The following RNF6 variants were observed in gnomAD, a reference collection of about 807,000 sequenced individuals.
RNF6 encodes the protein ring finger protein 6, also known as E3 ubiquitin-protein ligase RNF6.
RNF6 carries 21 observed loss-of-function variants against 50.1 expected under a neutral mutation model. The observed-to-expected ratio is 0.42, with a 90% CI of 0.30 to 0.60. The LOEUF is 0.60. RNF6 is among the 20% of genes least tolerant of loss of function. The pLI, the probability that RNF6 is intolerant of heterozygous loss-of-function variation, is 0.20. For missense variants in RNF6, 698 were observed against 838.2 expected (o/e 0.83, Z 2.07); for synonymous variants, 255 against 291.8 (o/e 0.87, Z 1.29).
At chr13:26,183,926 A>AT (rs1263349265) in intron 5 of RNF6, among the ~76,000 whole-genome samples, 2,781 of 140,662 alleles carry the variant, frequency 0.02, 118 homozygotes, top group African/African-American at 0.069. Context: ...TACAATATTT[A>AT]TTTTTTTATA....
intron 5 of RNF6, among the ~76,000 whole-genome samples, chr13:26,207,477 GT>G (rs34921709): frequency 0.2 from 29,891 of 152,056 alleles, 3,397 homozygotes; most frequent in East Asian, 0.4. Flanking sequence ...AAGAATCTAT[GT>G]GAGAAATAGT....
intron 5 of RNF6, among the ~76,000 whole-genome samples, chr13:26,145,703 A>G (rs748500553): frequency 4.6e-5 from 7 of 152,230 alleles, no homozygotes; most frequent in Non-Finnish European, 8.8e-5. Context: ...ATCTAGTCTC[A>G]GGTATGTCTC....
At chr13:26,163,154 T>C (rs1593158727) in intron 5 of RNF6, among the ~76,000 whole-genome samples, 2 of 152,116 alleles carry the variant, frequency 1.3e-5, no homozygotes, top group South Asian at 2.1e-4. Context: ...CTACTAAAAA[T>C]ACAAAAAATT....
At chr13:26,165,826 G>C (rs1054790351) in intron 5 of RNF6, among the ~76,000 whole-genome samples, 2 of 152,220 alleles carry the variant, frequency 1.3e-5, no homozygotes, top group Middle Eastern at 3.2e-3. Flanking sequence ...ACTTGCTTTT[G>C]ATTTTACTGG....
At chr13:26,149,285 T>G (rs1223216388) in intron 5 of RNF6, 2 of 152,096 alleles carry the variant, frequency 1.3e-5, no homozygotes, top group Non-Finnish European at 2.9e-5. Context: ...GTACTAGGTT[T>G]AAGAAACAAT....
chr13:26,200,089 T>C (rs1400287555), intron 5 of RNF6, among the ~76,000 whole-genome samples: 1 of 152,214 alleles, frequency 6.6e-6, no homozygotes, highest in African/African-American at 2.4e-5. Context: ...CATGCCTTAA[T>C]CTTGCACTTC....
At chr13:26,195,245 AAC>A (rs1231184604) in intron 5 of RNF6, among the ~76,000 whole-genome samples, 4 of 126,006 alleles carry the variant, frequency 3.2e-5, no homozygotes, top group African/African-American at 1.2e-4. Flanking sequence ...CAAAAATACT[AAC>A]ACAAATCAAG....
intron 5 of RNF6, among the ~76,000 whole-genome samples, chr13:26,156,950 T>G (rs1190038241): frequency 6.6e-6 from 1 of 152,108 alleles, no homozygotes; most frequent in Non-Finnish European, 1.5e-5. Flanking sequence ...AAAAAATAAA[T>G]TAAGCTGGGT....
chr13:26,149,309 C>T (rs1871429378), intron 5 of RNF6: 1 of 152,158 alleles, frequency 6.6e-6, no homozygotes, highest in Non-Finnish European at 1.5e-5. Flanking sequence ...GGCAGACGGC[C>T]AGGCATGGTG....
intron 5 of RNF6, chr13:26,154,205 T>C (rs1039613116): frequency 3.9e-5 from 6 of 152,244 alleles, no homozygotes; most frequent in Non-Finnish European, 8.8e-5. Context: ...CAATTTTCCA[T>C]TGATATTCGG....
intron 5 of RNF6, among the ~76,000 whole-genome samples, chr13:26,190,231 A>T (rs1329199635): frequency 6.6e-6 from 1 of 152,238 alleles, no homozygotes; most frequent in Non-Finnish European, 1.5e-5. Context: ...AGGTTCTCTG[A>T]GGACACGTGA....
intron 5 of RNF6, among the ~76,000 whole-genome samples, chr13:26,137,974 A>G (rs751752236): frequency 6.6e-6 from 1 of 152,092 alleles, no homozygotes; most frequent in African/African-American, 2.4e-5. Context: ...TGTGATGGAA[A>G]GCATTAATCT....
upstream of RNF6, chr13:26,222,333 G>A (rs1870606714): frequency 1.3e-5 from 2 of 152,284 alleles, no homozygotes; most frequent in Non-Finnish European, 2.9e-5. Context: ...CGTCCGTCGG[G>A]AGCTAGGGTG....
intron 5 of RNF6, among the ~76,000 whole-genome samples, chr13:26,149,870 G>GTATATATA (rs749089662): frequency 1.4e-5 from 1 of 73,966 alleles, no homozygotes; most frequent in Non-Finnish European, 2.8e-5. Context: ...ATGTGTGTGT[G>GTATATATA]TATATATATA....
chr13:26,132,289 G>GA (rs1366498227), exon 6 of RNF6: 9 of 335,246 alleles, frequency 2.7e-5, no homozygotes, highest in Non-Finnish European at 4.1e-5. Context: ...TTCCATAAAA[G>GA]AAAAAAAACT....
chr13:26,193,603 C>T (rs1868545699), intron 5 of RNF6, among the ~76,000 whole-genome samples: 1 of 152,158 alleles, frequency 6.6e-6, no homozygotes, highest in Admixed American at 6.5e-5. Context: ...GTAGACAACT[C>T]TTCCAAGGAG....
At chr13:26,206,994 G>C (rs1386868892) in intron 5 of RNF6, among the ~76,000 whole-genome samples, 1 of 151,844 alleles carries the variant, frequency 6.6e-6, no homozygotes, top group Non-Finnish European at 1.5e-5. Context: ...ATTCTCTCTT[G>C]GTATGTGACT....
At chr13:26,200,381 A>G (rs1868847466) in intron 5 of RNF6, among the ~76,000 whole-genome samples, 1 of 150,358 alleles carries the variant, frequency 6.7e-6, no homozygotes. Context: ...TTGGTTTAAT[A>G]TTCTGCTGTC....
chr13:26,220,566 T>A lies in RNF6; in HGVS notation c.-19+682A>T, dbSNP rs181069255. ...CAGTAAGTCACACTAAAGCAATGGTTCTCAAACTCACTTAAGGGTATTTTT... is the reference window on the plus strand; with the variant it reads ...CAGTAAGTCACACTAAAGCAATGGTACTCAAACTCACTTAAGGGTATTTTT... On this transcript the variant is annotated intron_variant, in intron 2 of 4. Transcript: ENST00000381588. Among the ~76,000 whole-genome samples, 9 of 152,348 alleles carry A rather than the reference T, an allele frequency of 5.9e-5. No homozygotes were observed. The East Asian group carries it at 1.7e-3, about 29-fold the overall frequency.
Sources: allele counts gnomAD v4.1 joint callset (sites outside exome capture counted in the v4.1 genomes callset), GRCh38; gene constraint gnomAD v4.1.1; transcripts MANE v1.5; gene names NCBI Gene and HGNC (gene_info 2026-07-23, HGNC 2026-07-21).